The following TRIM24 variants were observed in gnomAD, a reference collection of about 807,000 sequenced individuals.
The protein encoded by TRIM24 is transcription intermediary factor 1-alpha.
Under a neutral mutation model 123.9 loss-of-function variants are expected in TRIM24, and 29 were observed. That is an observed-to-expected ratio of 0.23 (90% CI 0.17 to 0.32). The LOEUF is 0.32. Ranked by LOEUF, TRIM24 falls within the 10% of genes least tolerant of loss-of-function variation. The probability of loss-of-function intolerance (pLI) is 1.00; values close to 1 mark genes in which losing one functional copy is unlikely to be tolerated. For missense variants in TRIM24, 932 were observed against 1,295.3 expected, an observed-to-expected ratio of 0.72 and a Z score of 4.31; for synonymous variants, 456 against 461.1, an observed-to-expected ratio of 0.99 and a Z score of 0.14.
chr7:138,499,237 T>C (rs998746717), intron 1 of TRIM24, among the ~76,000 whole-genome samples: 1 of 152,198 alleles, frequency 6.6e-6, no homozygotes, highest in Non-Finnish European at 1.5e-5. Flanking sequence ...TGTTCTAAAG[T>C]CTGCTTTGTC....
At chr7:138,521,099 T>A (rs113198171) in intron 4 of TRIM24, among the ~76,000 whole-genome samples, 455 of 152,328 alleles carry the variant, frequency 3.0e-3, no homozygotes, top group African/African-American at 0.01. Flanking sequence ...GTAAGCATAT[T>A]CTTTAAATAT....
intron 1 of TRIM24, among the ~76,000 whole-genome samples, chr7:138,489,944 G>A (rs995057892): frequency 4.6e-5 from 7 of 152,184 alleles, no homozygotes; most frequent in Non-Finnish European, 8.8e-5. Context: ...CCCGAAGAGT[G>A]TTTTCCAGCT....
At chr7:138,525,963 C>T (rs567560703) in intron 5 of TRIM24, among the ~76,000 whole-genome samples, 22 of 152,254 alleles carry the variant, frequency 1.4e-4, no homozygotes, top group South Asian at 8.3e-4. Flanking sequence ...CTCCATGGAG[C>T]GGGGGCAGCT....
At chr7:138,562,230 G>T (rs1584739978) in intron 9 of TRIM24, among the ~76,000 whole-genome samples, 1 of 152,140 alleles carries the variant, frequency 6.6e-6, no homozygotes, top group African/African-American at 2.4e-5. Flanking sequence ...TTTAAAGATT[G>T]TGGGAGATTT....
chr7:138,506,961 C>T (rs1485011504), intron 2 of TRIM24, among the ~76,000 whole-genome samples: 1 of 151,992 alleles, frequency 6.6e-6, no homozygotes, highest in Non-Finnish European at 1.5e-5. Context: ...CTTGATATGC[C>T]TGATTGGGTG....
intron 4 of TRIM24, 32 bp downstream of exon 4, chr7:138,519,353 C>A (rs774961658): frequency 2.6e-6 from 4 of 1,564,416 alleles, no homozygotes; most frequent in South Asian, 1.2e-5. Flanking sequence ...TATATAGATT[C>A]ATATGCAGCT....
intron 9 of TRIM24, among the ~76,000 whole-genome samples, chr7:138,560,515 A>G (rs1347340325): frequency 6.6e-6 from 1 of 152,078 alleles, no homozygotes; most frequent in Non-Finnish European, 1.5e-5. Context: ...GCTCCTATTT[A>G]CTGTATTCCT....
intron 1 of TRIM24, among the ~76,000 whole-genome samples, chr7:138,470,845 C>G (rs1795258088): frequency 6.6e-6 from 1 of 152,194 alleles, no homozygotes; most frequent in Non-Finnish European, 1.5e-5. Context: ...CTGTTACTGT[C>G]TCAATTTTGT....
Position 138,579,185 on chromosome 7 carries a change from T to C in TRIM24, c.2257-19T>C. 6.5e-7 allele frequency: 1 copy of C among 1,535,088 alleles called. No homozygotes were observed. The highest frequency in any genetic ancestry group is 1.3e-5 in the South Asian group (1 of 77,972). ...AATTTTTTTTAAAGCCAGTTAAATATATTTTTTTTCTACTACAGGCCAATT... is the reference window on the plus strand; with the variant it reads ...AATTTTTTTTAAAGCCAGTTAAATACATTTTTTTTCTACTACAGGCCAATT... On this transcript the variant is annotated intron_variant, in intron 14 of 18. Transcript: ENST00000343526.
chr7:138,509,249 G>A (rs533553285), intron 2 of TRIM24, among the ~76,000 whole-genome samples: 3 of 151,262 alleles, frequency 2.0e-5, no homozygotes, highest in Non-Finnish European at 2.9e-5. Context: ...GCACCCAGCC[G>A]AAATGTTGGT....
chr7:138,543,588 C>G (rs1372583610), intron 7 of TRIM24, among the ~76,000 whole-genome samples: 2 of 152,112 alleles, frequency 1.3e-5, no homozygotes, highest in Non-Finnish European at 2.9e-5. Context: ...GCCCTGAAAC[C>G]TCAAGCTTGG....
At chr7:138,471,713 G>C (rs1795276407) in intron 1 of TRIM24, among the ~76,000 whole-genome samples, 1 of 151,876 alleles carries the variant, frequency 6.6e-6, no homozygotes, top group African/African-American at 2.4e-5. Context: ...GCTAATTTTT[G>C]TATTTTTAGT....
chr7:138,531,828 T>C (rs1796753634), intron 6 of TRIM24, among the ~76,000 whole-genome samples: 1 of 152,194 alleles, frequency 6.6e-6, no homozygotes, highest in Non-Finnish European at 1.5e-5. Flanking sequence ...GTTTACAGTC[T>C]CACCAACAGT....
intron 9 of TRIM24, among the ~76,000 whole-genome samples, chr7:138,564,950 T>TC (rs1242430984): frequency 6.6e-6 from 1 of 152,060 alleles, no homozygotes; most frequent in Non-Finnish European, 1.5e-5. Flanking sequence ...GATTAGACCG[T>TC]CCCCCTCGCA....
At position 138,585,144 on chromosome 7, in the gene TRIM24, A is replaced by G. The variant is rs1797987468; in HGVS notation, c.*193A>G. 6 of 420,360 alleles carry G rather than the reference A, an allele frequency of 1.4e-5. No homozygotes were observed. The East Asian group carries it at 2.2e-4, about 16-fold the overall frequency. The allele number at this position is 420,360 out of a possible 1,614,324, so 26.0% of individuals were successfully genotyped here. On this transcript the variant is annotated 3_prime_UTR_variant, in exon 19 of 19. Coordinates refer to ENST00000343526, the MANE Select transcript of TRIM24 (RefSeq NM_015905.3). ...CTTATCACTAAGAAAGAAAGGAAAG[A>G]AGGAGATGAATAGAAGAAAGAAAAT...
Position 138,535,528 on chromosome 7 carries a change from C to G in TRIM24, c.997-3129C>G, listed in dbSNP as rs531133106. On this transcript the variant is annotated intron_variant, in intron 6 of 18. Transcript: ENST00000343526. ...GGGTTGAAAATTCTTTTCTTTAAGG[C>G]TGTTGAATATTGGCCCCTACTCTCT... 2.2e-3 allele frequency among the ~76,000 whole-genome samples: 337 copies of G among 152,172 alleles called. 2 individuals carry two copies. Among genetic ancestry groups the G allele is most frequent in the Middle Eastern group, 0.014 (4 of 294 alleles).
At position 138,569,292 on chromosome 7, in the gene TRIM24, A is replaced by C. The variant is rs1007663892; in HGVS notation, c.1705-1538A>C. Among the ~76,000 whole-genome samples the C allele has an allele frequency of 3.3e-5, 5 of 152,336 alleles. No homozygotes were observed. In the East Asian group the frequency reaches 9.6e-4, roughly 29 times the overall value. On this transcript the variant is annotated intron_variant, in intron 10 of 18. Transcript: ENST00000343526. ...AGATACTCTAAGCATGTTTTTTTAA[A>C]ATGGTTGTTGACCAAAAATGTAAAC...
At chr7:138,511,010 A>T (rs562578547) in intron 2 of TRIM24, among the ~76,000 whole-genome samples, 1 of 152,192 alleles carries the variant, frequency 6.6e-6, no homozygotes, top group Non-Finnish European at 1.5e-5. Flanking sequence ...TATTATGTTA[A>T]TGTACAATTT....
intron 1 of TRIM24, among the ~76,000 whole-genome samples, chr7:138,479,696 T>C (rs1795484138): frequency 6.6e-6 from 1 of 151,892 alleles, no homozygotes; most frequent in African/African-American, 2.4e-5. Context: ...TTAGTAGATA[T>C]GGGGTTTCTC....
Sources: allele counts gnomAD v4.1 joint callset (sites outside exome capture counted in the v4.1 genomes callset), GRCh38; gene constraint gnomAD v4.1.1; transcripts MANE v1.5; gene names NCBI Gene and HGNC (gene_info 2026-07-23, HGNC 2026-07-21).